Variants in REL observed in about 807,000 individuals in gnomAD.
The protein encoded by REL is REL proto-oncogene, NF-kB subunit.
REL carries 15 observed loss-of-function variants against 45.9 expected under a neutral mutation model. That is an observed-to-expected ratio of 0.33 (90% CI 0.22 to 0.50). The LOEUF (loss-of-function observed/expected upper bound fraction) is 0.50. Among genes scored for constraint, REL ranks in the 20% least tolerant of loss-of-function variants. The pLI, the probability that REL is intolerant of heterozygous loss-of-function variation, is 0.98. For synonymous variants in REL, 239 were observed against 242.1 expected, an observed-to-expected ratio of 0.99 and a Z score of 0.12; for missense variants, 601 against 715.2, an observed-to-expected ratio of 0.84 and a Z score of 1.82.
Position 60,894,533 on chromosome 2 carries a change from G to T in REL, c.290G>T (p.Arg97Leu), listed in dbSNP as rs373752427. 6.3e-7 allele frequency: 1 copy of T among 1,598,686 alleles called. No individual in the cohort carries two copies. Among genetic ancestry groups the T allele is most frequent in the Non-Finnish European group, 8.5e-7 (1 of 1,173,080 alleles). The change falls in exon 3 of 10, where the codon CGC (arginine) becomes CTC (leucine). Residue 97 changes from arginine to leucine, a missense_variant. Coordinates refer to ENST00000394479, the MANE Select transcript of REL (RefSeq NM_001291746.2). ...GYYEAEFGQE[R>L]RPLFFQNLGI... ...TATGAAGCAGAATTTGGACAAGAAC[G>T]CAGACCTTTGTTGTAAGTACACAGT...
At chr2:60,890,916 C>G (rs903513375) in intron 1 of REL, among the ~76,000 whole-genome samples, 3 of 152,218 alleles carry the variant, frequency 2.0e-5, no homozygotes, top group Admixed American at 6.5e-5. Context: ...TCTGGTCTAA[C>G]TTCTTTCACT....
chr2:60,919,580 C>T (rs910381630), intron 7 of REL, among the ~76,000 whole-genome samples: 1 of 152,064 alleles, frequency 6.6e-6, no homozygotes, highest in Non-Finnish European at 1.5e-5. Context: ...CATGCGCCAC[C>T]ACACCCGACT....
chr2:60,892,069 C>T (rs927527192), intron 2 of REL, among the ~76,000 whole-genome samples: 1 of 151,922 alleles, frequency 6.6e-6, no homozygotes, highest in Non-Finnish European at 1.5e-5. Context: ...TGTGTATTAA[C>T]CTAAGTAGAG....
At chr2:60,892,954 C>T (rs1673257003) in intron 2 of REL, among the ~76,000 whole-genome samples, 1 of 152,086 alleles carries the variant, frequency 6.6e-6, no homozygotes, top group South Asian at 2.1e-4. Flanking sequence ...AGGGTTTCAC[C>T]ATGTTAGCCA....
At chr2:60,888,428 T>A (rs1300921808) in intron 1 of REL, among the ~76,000 whole-genome samples, 2 of 152,212 alleles carry the variant, frequency 1.3e-5, no homozygotes, top group African/African-American at 4.8e-5. Flanking sequence ...TAAAAAGTAA[T>A]GTTGATTTTA....
intron 4 of REL, among the ~76,000 whole-genome samples, chr2:60,902,412 G>C (rs567966831): frequency 6.6e-6 from 1 of 151,928 alleles, no homozygotes; most frequent in African/African-American, 2.4e-5. Flanking sequence ...TACATGTGTA[G>C]TTATATGTAG....
chr2:60,896,005 GT>G (rs942033792), intron 3 of REL, among the ~76,000 whole-genome samples: 14 of 146,220 alleles, frequency 9.6e-5, no homozygotes, highest in Admixed American at 2.0e-4. Context: ...TCTGTTTTTT[GT>G]TTTTTTTTTT....
chr2:60,903,085 A>G (rs1673540709), intron 4 of REL, among the ~76,000 whole-genome samples: 1 of 152,256 alleles, frequency 6.6e-6, no homozygotes, highest in Non-Finnish European at 1.5e-5. Flanking sequence ...TTAAAGAGGC[A>G]GGTAAGTCTA....
At chr2:60,914,963 C>A (rs1257972298) in intron 4 of REL, among the ~76,000 whole-genome samples, 1 of 151,834 alleles carries the variant, frequency 6.6e-6, no homozygotes, top group African/African-American at 2.4e-5. Context: ...TCCCAAGTAG[C>A]TGGGATTATA....
intron 4 of REL, among the ~76,000 whole-genome samples, chr2:60,915,348 A>G (rs1006128594): frequency 1.3e-5 from 2 of 152,196 alleles, no homozygotes; most frequent in Non-Finnish European, 2.9e-5. Context: ...GATTTTGAAG[A>G]GGTAGCTCTC....
At chr2:60,905,666 G>A (rs1031047591) in intron 4 of REL, among the ~76,000 whole-genome samples, 7 of 152,270 alleles carry the variant, frequency 4.6e-5, no homozygotes, top group Non-Finnish European at 8.8e-5. Context: ...GAGACAGAAG[G>A]AGAGACCGAG....
chr2:60,884,359 TATA>T (rs1310777090), intron 1 of REL, among the ~76,000 whole-genome samples: 1 of 151,964 alleles, frequency 6.6e-6, no homozygotes, highest in Non-Finnish European at 1.5e-5. Flanking sequence ...AAATCATGTA[TATA>T]ATATGATTCT....
In REL at chr2:60,925,850, T is replaced by G. The variant is rs969285243; in HGVS notation, c.*3315T>G. 2 of 220,546 alleles carry G rather than the reference T, an allele frequency of 9.1e-6. No homozygotes were observed. The highest frequency in any genetic ancestry group is 4.5e-5 in the African/African-American group (2 of 44,560). 13.7% of individuals were successfully genotyped at this position (220,546 alleles called of 1,614,324 possible). ...TAAGTAAGTATAAGCCGAATTAAGG[T>G]TCTGCTACATCTGTGTTTAGAATAT... is the stretch of plus-strand genomic sequence containing the variant. On this transcript the variant is annotated 3_prime_UTR_variant, in exon 10 of 10. Coordinates refer to ENST00000394479, the MANE Select transcript of REL (RefSeq NM_001291746.2).
Position 60,923,891 on chromosome 2 carries a change from A to T in REL, c.*1356A>T, listed in dbSNP as rs1427873507. The T allele has an allele frequency of 8.6e-6, 2 of 232,746 alleles. No homozygotes were observed. The highest frequency in any genetic ancestry group is 1.7e-5 in the Non-Finnish European group (2 of 117,846). The allele number at this position is 232,746 out of a possible 1,614,324, so 14.4% of individuals were successfully genotyped here. ...AACTCATACCATTCATCTGCTCAAA[A>T]CCATTCATTGGCTTCTCATCTCACT... On this transcript the variant is annotated 3_prime_UTR_variant, in exon 10 of 10. Coordinates refer to ENST00000394479, the MANE Select transcript of REL (RefSeq NM_001291746.2).
chr2:60,898,337 G>GAC (rs900461688), intron 3 of REL, among the ~76,000 whole-genome samples: 1 of 152,126 alleles, frequency 6.6e-6, no homozygotes, highest in African/African-American at 2.4e-5. Flanking sequence ...AGGCCCACAT[G>GAC]ACCCACCTTT....
In REL at chr2:60,908,427, C is replaced by T. The variant is rs137855733; in HGVS notation, c.394+7344C>T. 3.3e-3 allele frequency among the ~76,000 whole-genome samples: 501 copies of T among 152,252 alleles called. 6 individuals are homozygous for T. Among genetic ancestry groups the T allele is most frequent in the African/African-American group, 0.012 (480 of 41,530 alleles). ...TCTAGCAAACGGGGCATAAAGCAGT[C>T]TAATACTGTCAAATTTGAGGCTTCA... On this transcript the variant is annotated intron_variant, in intron 4 of 9. Transcript: ENST00000394479.
At chr2:60,883,162 G>A (rs2103910672) in intron 1 of REL, among the ~76,000 whole-genome samples, 1 of 152,212 alleles carries the variant, frequency 6.6e-6, no homozygotes, top group Middle Eastern at 3.4e-3. Flanking sequence ...AATGAAGAGG[G>A]GGCCCCGTTT....
chr2:60,883,356 A>T (rs1043776231), intron 1 of REL, among the ~76,000 whole-genome samples: 7 of 152,200 alleles, frequency 4.6e-5, no homozygotes, highest in Non-Finnish European at 8.8e-5. Context: ...ATTTGATTTC[A>T]GTTTGTTTGT....
chr2:60,917,689 T>A (rs1674015369), intron 5 of REL, among the ~76,000 whole-genome samples: 1 of 149,432 alleles, frequency 6.7e-6, no homozygotes, highest in African/African-American at 2.5e-5. Flanking sequence ...ACTGTGTGTG[T>A]GTGTGTGTGT....
Sources: allele counts gnomAD v4.1 joint callset (sites outside exome capture counted in the v4.1 genomes callset), GRCh38; gene constraint gnomAD v4.1.1; transcripts MANE v1.5; gene names NCBI Gene and HGNC (gene_info 2026-07-23, HGNC 2026-07-21).